The following TAFA1 variants were observed in gnomAD, a reference collection of about 807,000 sequenced individuals.
TAFA1 encodes chemokine-like protein TAFA-1.
Under a neutral mutation model 18.5 loss-of-function variants are expected in TAFA1, and 4 were observed. The observed-to-expected ratio is 0.22, with a 90% confidence interval of 0.11 to 0.49. The LOEUF (loss-of-function observed/expected upper bound fraction) is 0.49, where lower values mean the gene tolerates loss of function less well. Among genes scored for constraint, TAFA1 ranks in the 20% least tolerant of loss-of-function variants. The pLI, the probability that TAFA1 is intolerant of heterozygous loss-of-function variation, is 0.98. For synonymous variants in TAFA1, 56 were observed against 55.2 expected (o/e 1.01, Z -0.06); for missense variants, 147 against 169.0 (o/e 0.87, Z 0.72).
intron 2 of TAFA1, among the ~76,000 whole-genome samples, chr3:68,045,624 T>G (rs1056264786): frequency 6.6e-6 from 1 of 152,016 alleles, no homozygotes; most frequent in Non-Finnish European, 1.5e-5. Flanking sequence ...TGAGTCCTAG[T>G]ATGGAGCGAC....
At chr3:68,509,129 T>C (rs1439804549) in intron 3 of TAFA1, among the ~76,000 whole-genome samples, 1 of 152,112 alleles carries the variant, frequency 6.6e-6, no homozygotes, top group African/African-American at 2.4e-5. Flanking sequence ...ATTGAGCACT[T>C]GGTAAATGTC....
intron 2 of TAFA1, among the ~76,000 whole-genome samples, chr3:68,382,697 T>C (rs565942581): frequency 6.6e-6 from 1 of 152,282 alleles, no homozygotes; most frequent in Non-Finnish European, 1.5e-5. Flanking sequence ...TGAGCTTTTT[T>C]ATGGTTCCAT....
chr3:68,262,149 A>G (rs2067438503), intron 2 of TAFA1, among the ~76,000 whole-genome samples: 1 of 151,274 alleles, frequency 6.6e-6, no homozygotes, highest in East Asian at 1.9e-4. Flanking sequence ...ATACCGTCCA[A>G]TTTAGGGACT....
At chr3:68,080,095 G>T (rs2064877462) in intron 2 of TAFA1, among the ~76,000 whole-genome samples, 1 of 151,966 alleles carries the variant, frequency 6.6e-6, no homozygotes, top group African/African-American at 2.4e-5. Context: ...TTTGATCTTT[G>T]TTGGTTTAAA....
intron 3 of TAFA1, among the ~76,000 whole-genome samples, chr3:68,465,143 G>A (rs1036160413): frequency 3.3e-5 from 5 of 152,094 alleles, no homozygotes; most frequent in African/African-American, 4.8e-5. Context: ...GAGGGGAGAG[G>A]AGCAGAGATC....
intron 2 of TAFA1, among the ~76,000 whole-genome samples, chr3:68,207,122 G>T (rs1217410401): frequency 6.6e-6 from 1 of 151,866 alleles, no homozygotes; most frequent in Admixed American, 6.6e-5. Flanking sequence ...ATTGAATGAT[G>T]AATAGTTTTT....
At chr3:68,389,368 T>C (rs1291672411) in intron 2 of TAFA1, among the ~76,000 whole-genome samples, 2 of 151,698 alleles carry the variant, frequency 1.3e-5, no homozygotes, top group Non-Finnish European at 1.5e-5. Context: ...TTATATTATC[T>C]TTAATAACTG....
At chr3:68,364,306 G>A (rs2069526772) in intron 2 of TAFA1, among the ~76,000 whole-genome samples, 1 of 152,090 alleles carries the variant, frequency 6.6e-6, no homozygotes, top group East Asian at 1.9e-4. Context: ...CAGATAACTG[G>A]GCACTTACCA....
chr3:68,452,171 C>A (rs2071575983), intron 3 of TAFA1, among the ~76,000 whole-genome samples: 1 of 152,110 alleles, frequency 6.6e-6, no homozygotes, highest in African/African-American at 2.4e-5. Flanking sequence ...CGGTTGTGGT[C>A]TAAAAGGAGA....
chr3:68,108,171 G>T lies in TAFA1; in HGVS notation c.118+101427G>T, dbSNP rs188632275. 4.4e-4 allele frequency among the ~76,000 whole-genome samples: 67 copies of T among 152,058 alleles called. 1 individual carries two copies. Among genetic ancestry groups the T allele is most frequent in the African/African-American group, 1.4e-3 (59 of 41,474 alleles). ...CTTTATGAGAGAGATGTGTCAAATG[G>T]TATATAATAGCTTATTATTTTTGTC... On this transcript the variant is annotated intron_variant, in intron 2 of 4. Coordinates refer to ENST00000478136, the MANE Select transcript of TAFA1 (RefSeq NM_213609.4).
At chr3:68,294,574 T>C (rs1323172870) in intron 2 of TAFA1, among the ~76,000 whole-genome samples, 3 of 152,198 alleles carry the variant, frequency 2.0e-5, no homozygotes, top group Non-Finnish European at 2.9e-5. Context: ...TCAATTTACA[T>C]TTAAATAAGA....
At chr3:68,519,544 C>T (rs2072984491) in intron 3 of TAFA1, among the ~76,000 whole-genome samples, 1 of 152,188 alleles carries the variant, frequency 6.6e-6, no homozygotes, top group African/African-American at 2.4e-5. Context: ...CTATAGGCTA[C>T]CTTATCCAGT....
intron 2 of TAFA1, among the ~76,000 whole-genome samples, chr3:68,030,300 G>A (rs373011247): frequency 5.3e-5 from 8 of 151,696 alleles, no homozygotes; most frequent in African/African-American, 1.5e-4. Context: ...TGAGATACCT[G>A]TGCAGAATGT....
At position 68,254,590 on chromosome 3, in the gene TAFA1, G is replaced by T. The variant is rs371829571; in HGVS notation, c.119-162690G>T. Among the ~76,000 whole-genome samples, 86 of 152,006 alleles carry T rather than the reference G, an allele frequency of 5.7e-4. 1 individual carries two copies. Among genetic ancestry groups the T allele is most frequent in the African/African-American group, 1.9e-3 (78 of 41,468 alleles). ...TAATACTACTGGAATCTATTCATAT[G>T]GGAACCAAAGACATGCTGTGATGCC... On this transcript the variant is annotated intron_variant, in intron 2 of 4. Coordinates refer to ENST00000478136, the MANE Select transcript of TAFA1 (RefSeq NM_213609.4).
chr3:68,031,718 A>G (rs1489328922), intron 2 of TAFA1, among the ~76,000 whole-genome samples: 1 of 151,940 alleles, frequency 6.6e-6, no homozygotes, highest in Non-Finnish European at 1.5e-5. Context: ...AATTTTGTTT[A>G]AAAAATTTTA....
intron 2 of TAFA1, among the ~76,000 whole-genome samples, chr3:68,384,445 G>A (rs539851396): frequency 5.3e-5 from 8 of 152,050 alleles, no homozygotes; most frequent in Non-Finnish European, 1.0e-4. Context: ...TTCAGAGCAG[G>A]TTATTCAATG....
At chr3:68,425,887 C>G (rs185924427) in intron 3 of TAFA1, among the ~76,000 whole-genome samples, 3 of 151,908 alleles carry the variant, frequency 2.0e-5, no homozygotes, top group African/African-American at 7.2e-5. Context: ...AAATGGGACA[C>G]TCCAGTTTCC....
intron 4 of TAFA1, among the ~76,000 whole-genome samples, chr3:68,541,466 T>C (rs1387801056): frequency 6.6e-6 from 1 of 152,206 alleles, no homozygotes; most frequent in African/African-American, 2.4e-5. Context: ...AGAGCACAAA[T>C]ATGCTTACTC....
chr3:68,279,702 C>A (rs2067863986), intron 2 of TAFA1, among the ~76,000 whole-genome samples: 1 of 151,994 alleles, frequency 6.6e-6, no homozygotes, highest in Admixed American at 6.6e-5. Context: ...CATAGAAATG[C>A]CAAGGAGATA....
Sources: allele counts gnomAD v4.1 joint callset (sites outside exome capture counted in the v4.1 genomes callset), GRCh38; gene constraint gnomAD v4.1.1; transcripts MANE v1.5; gene names NCBI Gene and HGNC (gene_info 2026-07-23, HGNC 2026-07-21).